ISY1: variants seen among roughly 807,000 people sequenced by gnomAD.
ISY1 encodes ISY1 spliceosome associated protein, also known as pre-mRNA-splicing factor ISY1 homolog.
A neutral mutation model predicts 54.4 loss-of-function variants in ISY1; 12 were observed. The ratio of observed to expected loss-of-function variants is 0.22; its 90% confidence interval spans 0.14 to 0.36. ISY1 has a LOEUF of 0.36. ISY1 is among the 10% of genes least tolerant of loss of function. The pLI is 1.00. For missense variants in ISY1, 282 were observed against 342.2 expected (o/e 0.82, Z 1.39); for synonymous variants, 96 against 117.9 (o/e 0.81, Z 1.20).
intron 7 of ISY1, among the ~76,000 whole-genome samples, chr3:129,135,833 G>GT (rs1017372500): frequency 1.3e-5 from 2 of 151,714 alleles, no homozygotes; most frequent in African/African-American, 4.8e-5. Flanking sequence ...ATGCATCACA[G>GT]TATTATTTAT....
At position 129,140,180 on chromosome 3, in the gene ISY1, T is replaced by A. The variant is rs550454268; in HGVS notation, c.418+188A>T. Among the ~76,000 whole-genome samples the A allele has an allele frequency of 1.6e-4, 25 of 152,312 alleles. 1 individual carries two copies. ...CCTGGGCACACTTTCCAGCCCCAAT[T>A]GTATGGCATGGGCCTATGATTCTAT... On this transcript the variant is annotated intron_variant, in intron 7 of 10. Transcript: ENST00000393295.
At chr3:129,138,909 T>C (rs1486274191) in intron 7 of ISY1, among the ~76,000 whole-genome samples, 3 of 151,630 alleles carry the variant, frequency 2.0e-5, no homozygotes, top group African/African-American at 7.3e-5. Context: ...AAAATGTGAG[T>C]GGTTTTTTTC....
chr3:129,141,651 G>A (rs1936620544), intron 6 of ISY1, among the ~76,000 whole-genome samples: 1 of 150,480 alleles, frequency 6.6e-6, no homozygotes, highest in Non-Finnish European at 1.5e-5. Context: ...CTACTCAGGA[G>A]GCTAAGGCAG....
intron 5 of ISY1, 91 bp downstream of exon 5, chr3:129,156,542 C>A (rs929731025): frequency 7.6e-7 from 1 of 1,313,560 alleles, no homozygotes; most frequent in African/African-American, 1.5e-5. Context: ...TATCTACTTG[C>A]TCTATTGATT....
chr3:129,130,623 C>A lies in ISY1; in HGVS notation c.677G>T (p.Gly226Val). 6.2e-7 allele frequency: 1 copy of A among 1,614,134 alleles called. No homozygotes were observed. Among genetic ancestry groups the A allele is most frequent in the South Asian group, 1.1e-5 (1 of 91,078 alleles). Residue 226 changes from glycine to valine, a missense_variant, in exon 10 of 11, where the codon GGC becomes GTC. Physicochemically the swap from Gly to Val is moderately radical, Grantham distance 109. Coordinates refer to ENST00000393295, the MANE Select transcript of ISY1 (RefSeq NM_020701.4). ...GTCGTCCCCTCCTTTCTCCTGGCTGCCTTCCTCGTCCGACTACAAACAGAA... is the reference window on the plus strand; with the variant it reads ...GTCGTCCCCTCCTTTCTCCTGGCTGACTTCCTCGTCCGACTACAAACAGAA... ...AVTEEESDEE[G>V]SQEKGGDDSQ...
At chr3:129,142,067 C>T (rs9826077) in intron 6 of ISY1, among the ~76,000 whole-genome samples, 121,886 of 151,880 alleles carry the variant, frequency 0.8, 53,199 homozygotes, top group Non-Finnish European at 0.97. Flanking sequence ...TAGCAGGGTA[C>T]GGTGGTGCAC....
At chr3:129,142,927 C>T (rs1488750140) in intron 6 of ISY1, among the ~76,000 whole-genome samples, 1 of 151,758 alleles carries the variant, frequency 6.6e-6, no homozygotes, top group Non-Finnish European at 1.5e-5. Context: ...TGGTGGTGGG[C>T]ACCTGTAATC....
At chr3:129,146,432 A>G (rs1936766697) in intron 5 of ISY1, among the ~76,000 whole-genome samples, 1 of 152,200 alleles carries the variant, frequency 6.6e-6, no homozygotes, top group Non-Finnish European at 1.5e-5. Context: ...CAGAGAAGGT[A>G]GGAAAATGGT....
intron 3 of ISY1, 46 bp from the exon 4 acceptor site, chr3:129,156,966 T>C (rs1937161188): frequency 6.2e-7 from 1 of 1,605,094 alleles, no homozygotes; most frequent in Admixed American, 1.7e-5. Context: ...ATTTACAAGT[T>C]TCAAACAACA....
intron 6 of ISY1, among the ~76,000 whole-genome samples, chr3:129,142,115 G>A (rs1249016576): frequency 6.7e-6 from 1 of 149,724 alleles, no homozygotes; most frequent in Non-Finnish European, 1.5e-5. Flanking sequence ...TGGAGCACAA[G>A]AATCACTTGA....
At chr3:129,142,467 T>C (rs1936649102) in intron 6 of ISY1, among the ~76,000 whole-genome samples, 1 of 152,096 alleles carries the variant, frequency 6.6e-6, no homozygotes, top group Non-Finnish European at 1.5e-5. Flanking sequence ...ACCTTTCAAG[T>C]GGTTCACAAA....
chr3:129,147,841 T>C (rs921078006), intron 5 of ISY1, among the ~76,000 whole-genome samples: 1 of 152,200 alleles, frequency 6.6e-6, no homozygotes, highest in Non-Finnish European at 1.5e-5. Context: ...CCTATAATTT[T>C]GCTTTTCCAG....
At chr3:129,155,901 A>T (rs1937120471) in intron 5 of ISY1, among the ~76,000 whole-genome samples, 1 of 151,874 alleles carries the variant, frequency 6.6e-6, no homozygotes, top group Non-Finnish European at 1.5e-5. Context: ...TTGTATTTTC[A>T]GTAGAGGTGG....
At position 129,129,933 on chromosome 3, in the gene ISY1, C is replaced by A. The variant is rs1936190914; in HGVS notation, c.*148G>T. On this transcript the variant is annotated 3_prime_UTR_variant, in exon 11 of 11. Coordinates refer to ENST00000393295, the MANE Select transcript of ISY1 (RefSeq NM_020701.4). ...TACCAGGAAGACCAGGGACAGACCC[C>A]TACCCTCCGGTCAACATGAGACAAG... 5.1e-6 allele frequency: 3 copies of A among 587,756 alleles called. No individual in the cohort carries two copies. The highest frequency in any genetic ancestry group is 5.9e-5 in the East Asian group (2 of 33,856). The allele number at this position is 587,756 out of a possible 1,614,324, so 36.4% of individuals were successfully genotyped here.
intron 6 of ISY1, among the ~76,000 whole-genome samples, chr3:129,143,120 T>C (rs1047303690): frequency 6.6e-6 from 1 of 151,066 alleles, no homozygotes; most frequent in African/African-American, 2.4e-5. Context: ...GAGGCTGAGG[T>C]AAAAGGATTA....
At chr3:129,150,440 G>C (rs765618337) in intron 5 of ISY1, among the ~76,000 whole-genome samples, 8 of 152,146 alleles carry the variant, frequency 5.3e-5, no homozygotes, top group Non-Finnish European at 1.2e-4. Flanking sequence ...GGCCAGGCGC[G>C]GTGGCTCATG....
intron 2 of ISY1, 104 bp from the exon 3 acceptor site, chr3:129,158,663 A>C (rs1560024433): frequency 6.9e-7 from 1 of 1,439,862 alleles, no homozygotes; most frequent in Non-Finnish European, 9.6e-7. Context: ...GACCATATTT[A>C]ATGTCATTCA....
intron 4 of ISY1, 88 bp downstream of exon 4, chr3:129,156,767 T>TA (rs1937154632): frequency 2.6e-6 from 4 of 1,562,890 alleles, no homozygotes; most frequent in Admixed American, 1.9e-5. Flanking sequence ...TAAAAATACT[T>TA]AGACTTTTGG....
At position 129,160,982 on chromosome 3, in the gene ISY1, G is replaced by A. The variant is rs1035749856; in HGVS notation, c.-7C>T. ...CGCCCACCCTACTCACCATGGTGTC[G>A]CTAAGGGCGCCGTCCTGGAGCCCCG... On this transcript the variant is annotated 5_prime_UTR_variant, in exon 1 of 11. Transcript: ENST00000393295. 7.7e-6 allele frequency: 10 copies of A among 1,306,934 alleles called. No homozygotes were observed. Among genetic ancestry groups the A allele is most frequent in the East Asian group, 1.1e-4 (2 of 18,848 alleles). 81.0% of individuals were successfully genotyped at this position (1,306,934 alleles called of 1,614,324 possible).
Sources: allele counts gnomAD v4.1 joint callset (sites outside exome capture counted in the v4.1 genomes callset), GRCh38; gene constraint gnomAD v4.1.1; transcripts MANE v1.5; gene names NCBI Gene and HGNC (gene_info 2026-07-23, HGNC 2026-07-21).